The following CABCOCO1 variants were observed in gnomAD, a reference collection of about 807,000 sequenced individuals.
The protein encoded by CABCOCO1 is ciliary associated calcium binding coiled-coil 1.
CABCOCO1 carries 28 observed loss-of-function variants against 35.7 expected under a neutral mutation model. The observed-to-expected ratio is 0.78, with a 90% CI of 0.58 to 1.07. The LOEUF (loss-of-function observed/expected upper bound fraction) is 1.07. Ranked by LOEUF, CABCOCO1 falls within the 50% of genes least tolerant of loss-of-function variation. The pLI, the probability that CABCOCO1 is intolerant of heterozygous loss-of-function variation, is 0.00. For missense variants in CABCOCO1, 326 were observed against 309.2 expected (o/e 1.05, Z -0.41); for synonymous variants, 95 against 100.1 (o/e 0.95, Z 0.30).
At chr10:61,692,325 G>A (rs530124520) in intron 5 of CABCOCO1, among the ~76,000 whole-genome samples, 18 of 152,044 alleles carry the variant, frequency 1.2e-4, no homozygotes, top group Admixed American at 1.3e-4. Context: ...TCCTTCACCC[G>A]CTTCTGGATG....
chr10:61,746,151 T>C (rs1841655468), intron 5 of CABCOCO1, among the ~76,000 whole-genome samples: 1 of 152,212 alleles, frequency 6.6e-6, no homozygotes, highest in Non-Finnish European at 1.5e-5. Context: ...TTTACTCTAG[T>C]TTTAATAATA....
At position 61,766,565 on chromosome 10, in the gene CABCOCO1, C is replaced by G. The variant is rs938620737; in HGVS notation, c.*552C>G. The G allele has an allele frequency of 6.6e-6, 1 of 150,844 alleles. No individual in the cohort carries two copies. Among genetic ancestry groups the G allele is most frequent in the Admixed American group, 6.6e-5 (1 of 15,120 alleles). The allele number at this position is 150,844 out of a possible 1,614,324, so 9.3% of individuals were successfully genotyped here. ...CTTATTTAAACGTTTCAGTGTGAAACCAATTTTCTGAAATTATATAATGCA... is the reference window on the plus strand; with the variant it reads ...CTTATTTAAACGTTTCAGTGTGAAAGCAATTTTCTGAAATTATATAATGCA... On this transcript the variant is annotated 3_prime_UTR_variant, in exon 8 of 8. Coordinates refer to ENST00000648843, the MANE Select transcript of CABCOCO1 (RefSeq NM_001366906.2).
chr10:61,664,734 T>C (rs1463787745), intron 1 of CABCOCO1, among the ~76,000 whole-genome samples: 1 of 152,144 alleles, frequency 6.6e-6, no homozygotes, highest in African/African-American at 2.4e-5. Context: ...GAAAGCAGAG[T>C]TTCTGTAGTT....
chr10:61,750,862 C>G (rs1221629261), intron 5 of CABCOCO1, among the ~76,000 whole-genome samples: 1 of 152,236 alleles, frequency 6.6e-6, no homozygotes, highest in Non-Finnish European at 1.5e-5. Flanking sequence ...ATGAATGCCC[C>G]CCGTGTATAA....
chr10:61,760,612 A>G (rs1841989643), intron 6 of CABCOCO1, among the ~76,000 whole-genome samples: 1 of 152,136 alleles, frequency 6.6e-6, no homozygotes, highest in Non-Finnish European at 1.5e-5. Context: ...GAGGGTGGGC[A>G]AGGAAGGGAA....
chr10:61,670,707 T>G (rs1007778083), intron 1 of CABCOCO1, among the ~76,000 whole-genome samples: 1 of 152,184 alleles, frequency 6.6e-6, no homozygotes, highest in Admixed American at 6.5e-5. Flanking sequence ...ACATTTGCCC[T>G]CTTTCCCCAC....
chr10:61,760,181 G>A lies in CABCOCO1; in HGVS notation c.675G>A (p.Lys225=), dbSNP rs1841979885. The part of the protein sequence containing the change: ...EPPTILDTEM[K]RLDQEQGPEE... ...CCACAATATTGGATACGGAAATGAA[G>A]GTATATTTCTTTTTGTCTTTCCATT... is the stretch of plus-strand genomic sequence containing the variant. Residue 225 remains lysine, a splice_region_variant and synonymous_variant, in exon 6 of 8, where the codon AAG becomes AAA. Coordinates refer to ENST00000648843, the MANE Select transcript of CABCOCO1 (RefSeq NM_001366906.2). The A allele has an allele frequency of 1.2e-6, 2 of 1,610,300 alleles. No homozygotes were observed. The highest frequency in any genetic ancestry group is 2.7e-5 in the African/African-American group (2 of 74,658).
intron 1 of CABCOCO1, among the ~76,000 whole-genome samples, chr10:61,672,414 C>T (rs1425174706): frequency 1.3e-5 from 2 of 152,170 alleles, no homozygotes; most frequent in Non-Finnish European, 2.9e-5. Flanking sequence ...CCCAGTTGTA[C>T]ATATGCCCAA....
intron 2 of CABCOCO1, among the ~76,000 whole-genome samples, chr10:61,680,671 C>CATATATATGTTATACATGTATAACAT (rs74188857): frequency 0.019 from 1,005 of 53,402 alleles, 214 homozygotes; most frequent in Middle Eastern, 0.043. Context: ...ACATGTATAA[C>CATATATATGTTATACATGTATAACAT]ATATATGTTA....
Position 61,685,966 on chromosome 10 carries a change from A to G in CABCOCO1, c.335-75A>G, listed in dbSNP as rs12242793. ...TAACAAAGTAAATTTTGGCACATTG[A>G]AAACATCTTGGATTATCTTATTCTG... On this transcript the variant is annotated intron_variant, in intron 3 of 7. Transcript: ENST00000648843. 1.2e-3 allele frequency: 1,602 copies of G among 1,373,850 alleles called. 19 individuals are homozygous for G. In the African/African-American group the frequency reaches 0.02, roughly 17 times the overall value. The allele number at this position is 1,373,850 out of a possible 1,614,324, so 85.1% of individuals were successfully genotyped here.
At chr10:61,736,104 T>C (rs1325096591) in intron 5 of CABCOCO1, among the ~76,000 whole-genome samples, 3 of 152,182 alleles carry the variant, frequency 2.0e-5, no homozygotes, top group Non-Finnish European at 4.4e-5. Flanking sequence ...TCACATTCTG[T>C]AGATTGTATG....
chr10:61,710,415 T>C (rs184802366), intron 5 of CABCOCO1, among the ~76,000 whole-genome samples: 2 of 152,016 alleles, frequency 1.3e-5, no homozygotes, highest in Admixed American at 1.3e-4. Flanking sequence ...CCTAAAGTAG[T>C]TGTGATGCTA....
chr10:61,741,752 A>G (rs1034755598), intron 5 of CABCOCO1, among the ~76,000 whole-genome samples: 1 of 152,230 alleles, frequency 6.6e-6, no homozygotes, highest in Admixed American at 6.5e-5. Context: ...AGTAGGGTTA[A>G]GTGTATTGTT....
intron 2 of CABCOCO1, among the ~76,000 whole-genome samples, chr10:61,677,343 T>C (rs1839545167): frequency 6.6e-6 from 1 of 152,152 alleles, no homozygotes; most frequent in South Asian, 2.1e-4. Context: ...TTACTTTAGA[T>C]TCTTAACCAA....
chr10:61,742,674 G>A (rs908637513), intron 5 of CABCOCO1, among the ~76,000 whole-genome samples: 44 of 152,130 alleles, frequency 2.9e-4, no homozygotes, highest in Non-Finnish European at 3.5e-4. Context: ...TGTGCAAAAT[G>A]CTTATTACAG....
intron 5 of CABCOCO1, among the ~76,000 whole-genome samples, chr10:61,754,554 T>A (rs1841858079): frequency 6.6e-6 from 1 of 152,150 alleles, no homozygotes; most frequent in African/African-American, 2.4e-5. Context: ...TAAAATACTC[T>A]GGAATCAGTT....
chr10:61,687,302 G>T (rs1333733243), intron 4 of CABCOCO1, among the ~76,000 whole-genome samples: 3 of 152,318 alleles, frequency 2.0e-5, no homozygotes, highest in Admixed American at 2.0e-4. Context: ...CAAGGTCCTT[G>T]TGTTGGGGGA....
intron 7 of CABCOCO1, among the ~76,000 whole-genome samples, chr10:61,763,073 C>T (rs1481276530): frequency 6.6e-6 from 1 of 152,012 alleles, no homozygotes; most frequent in Non-Finnish European, 1.5e-5. Context: ...TTTGAACACA[C>T]CGACCTGCTG....
In CABCOCO1 at chr10:61,727,067, C is replaced by A. The variant is rs566091614; in HGVS notation, c.553-32992C>A. Among the ~76,000 whole-genome samples the A allele has an allele frequency of 1.0e-3, 158 of 151,356 alleles. 1 individual carries two copies. Among genetic ancestry groups the A allele is most frequent in the African/African-American group, 3.6e-3 (148 of 41,226 alleles). ...ACACAGTGAGACCCTGCCACATACA[C>A]AAAAAAAATGTTATAATAATAAGAG... On this transcript the variant is annotated intron_variant, in intron 5 of 7. Coordinates refer to ENST00000648843, the MANE Select transcript of CABCOCO1 (RefSeq NM_001366906.2).
Sources: gnomAD v4.1 joint callset for allele counts (sites outside exome capture counted in the v4.1 genomes callset) on GRCh38, gnomAD v4.1.1 for gene constraint, MANE v1.5 for transcripts, NCBI Gene and HGNC (gene_info 2026-07-23, HGNC 2026-07-21) for gene names.